Variants in CD226 observed in about 807,000 individuals in gnomAD.
CD226 encodes CD226 antigen.
A neutral mutation model predicts 34.9 loss-of-function variants in CD226; 24 were observed. The ratio of observed to expected loss-of-function variants is 0.69; its 90% confidence interval spans 0.50 to 0.97. CD226 has a LOEUF of 0.97. CD226 is among the 50% of genes least tolerant of loss of function. The pLI is 0.00. For synonymous variants in CD226, 148 were observed against 147.4 expected, an observed-to-expected ratio of 1.00 and a Z score of -0.03; for missense variants, 397 against 412.7, an observed-to-expected ratio of 0.96 and a Z score of 0.33.
chr18:69,928,852 T>G (rs1166497411), intron 2 of CD226, among the ~76,000 whole-genome samples: 1 of 152,114 alleles, frequency 6.6e-6, no homozygotes, highest in African/African-American at 2.4e-5. Context: ...AGCAAAAATA[T>G]CTACAATTCA....
At chr18:69,923,229 G>C (rs1454517601) in intron 2 of CD226, among the ~76,000 whole-genome samples, 1 of 151,612 alleles carries the variant, frequency 6.6e-6, no homozygotes, top group Non-Finnish European at 1.5e-5. Flanking sequence ...GAAAGAGAGA[G>C]AGAAAGAAAG....
At chr18:69,953,651 G>A (rs9965747) in intron 1 of CD226, among the ~76,000 whole-genome samples, 1,878 of 152,232 alleles carry the variant, frequency 0.012, 22 homozygotes, top group South Asian at 0.037. Context: ...TGATAAAAGC[G>A]GTCATCACAG....
At chr18:69,905,364 A>G (rs1464445826) in intron 2 of CD226, among the ~76,000 whole-genome samples, 1 of 152,214 alleles carries the variant, frequency 6.6e-6, no homozygotes, top group African/African-American at 2.4e-5. Flanking sequence ...AGGCACCAAC[A>G]CATTAGTGTG....
At chr18:69,937,383 T>C (rs1441049082) in intron 2 of CD226, among the ~76,000 whole-genome samples, 1 of 152,204 alleles carries the variant, frequency 6.6e-6, no homozygotes, top group East Asian at 1.9e-4. Context: ...ATAGTGCCTA[T>C]TAATCTCAAC....
At position 69,863,640 on chromosome 18, in the gene CD226, A is replaced by G. The variant is rs1468902712; in HGVS notation, c.*674T>C. 2 of 152,230 alleles carry G rather than the reference A, an allele frequency of 1.3e-5. No individual in the cohort carries two copies. Among genetic ancestry groups the G allele is most frequent in the East Asian group, 3.9e-4 (2 of 5,182 alleles). The allele number at this position is 152,230 out of a possible 1,614,324, so 9.4% of individuals were successfully genotyped here. A position where few individuals can be genotyped will look rare whatever the true frequency, so the allele number is the denominator to read the frequency against. On this transcript the variant is annotated 3_prime_UTR_variant, in exon 6 of 6. Coordinates refer to ENST00000582621, the MANE Select transcript of CD226 (RefSeq NM_001303618.2). ...GTTAACAAAAATGTCTTGGTTAATC[A>G]CTGCAGTCAATATTTGTTGGTAAAC...
At chr18:69,894,305 C>T (rs1435358442) in intron 3 of CD226, among the ~76,000 whole-genome samples, 1 of 119,654 alleles carries the variant, frequency 8.4e-6, no homozygotes, top group South Asian at 3.2e-4. Context: ...TTTAAGGATT[C>T]ATTGTGACAA....
intron 3 of CD226, among the ~76,000 whole-genome samples, chr18:69,879,465 T>C (rs1984082262): frequency 6.6e-6 from 1 of 152,128 alleles, no homozygotes; most frequent in African/African-American, 2.4e-5. Context: ...ATATTTCTCT[T>C]ACCCATTTTC....
chr18:69,896,258 T>G, intron 2 of CD226: 2 of 573,472 alleles, frequency 3.5e-6, no homozygotes, highest in Non-Finnish European at 4.4e-6. Context: ...CTCGGCTCAA[T>G]GCAACCTCCA....
intron 3 of CD226, among the ~76,000 whole-genome samples, chr18:69,887,716 C>T (rs1984644128): frequency 6.6e-6 from 1 of 152,096 alleles, no homozygotes; most frequent in African/African-American, 2.4e-5. Flanking sequence ...AATTAAAATG[C>T]CACTCATATC....
chr18:69,955,471 G>A (rs1446815653), intron 1 of CD226, among the ~76,000 whole-genome samples: 1 of 152,160 alleles, frequency 6.6e-6, no homozygotes, highest in Non-Finnish European at 1.5e-5. Flanking sequence ...GAAGATTATA[G>A]TGTGAGAGGT....
intron 3 of CD226, among the ~76,000 whole-genome samples, chr18:69,880,947 A>G (rs1550133): frequency 0.97 from 147,061 of 152,224 alleles, 71,266 homozygotes; most frequent in East Asian, 1. Context: ...CACAGCACCC[A>G]GCCAAGTTTT....
intron 2 of CD226, among the ~76,000 whole-genome samples, chr18:69,901,606 C>T (rs963609726): frequency 6.8e-6 from 1 of 146,482 alleles, no homozygotes; most frequent in African/African-American, 2.5e-5. Flanking sequence ...TGTGCCCGGG[C>T]ACAGTGGCTC....
At chr18:69,892,751 C>CTG (rs59075634) in intron 3 of CD226, among the ~76,000 whole-genome samples, 38,849 of 151,604 alleles carry the variant, frequency 0.26, 5,309 homozygotes, top group Middle Eastern at 0.41. Flanking sequence ...GAGCCCCTCT[C>CTG]TGTGTGTGTG....
At chr18:69,954,053 T>C (rs898323596) in intron 1 of CD226, among the ~76,000 whole-genome samples, 1 of 151,218 alleles carries the variant, frequency 6.6e-6, no homozygotes, top group Admixed American at 6.6e-5. Context: ...AGGTGAACAA[T>C]GTTATGTGAA....
chr18:69,943,458 A>T (rs2055750694), intron 2 of CD226, among the ~76,000 whole-genome samples: 1 of 152,222 alleles, frequency 6.6e-6, no homozygotes, highest in African/African-American at 2.4e-5. Context: ...TCTCTAAATC[A>T]ATTGCTAATG....
intron 2 of CD226, among the ~76,000 whole-genome samples, chr18:69,901,532 G>A (rs992043256): frequency 6.6e-6 from 1 of 152,080 alleles, no homozygotes; most frequent in Non-Finnish European, 1.5e-5. Context: ...AACTGATTAT[G>A]CTATTCTTTC....
intron 3 of CD226, among the ~76,000 whole-genome samples, chr18:69,882,648 TA>T (rs1984330991): frequency 6.6e-6 from 1 of 152,224 alleles, no homozygotes; most frequent in Non-Finnish European, 1.5e-5. Context: ...ACATATTATT[TA>T]AAGAGACTAT....
rs911852941 is a variant in CD226, at chr18:69,856,964, C to G, written c.*7350G>C. The stretch of plus-strand genomic sequence containing the variant: ...CGGGCGGATCACGAGGTCAGGAGAT[C>G]GAGACCACCCTGGCTAACACGGTGA... On this transcript the variant is annotated 3_prime_UTR_variant, in exon 6 of 6. Coordinates refer to ENST00000582621, the MANE Select transcript of CD226 (RefSeq NM_001303618.2). 6.6e-6 allele frequency: 1 copy of G among 152,268 alleles called. No homozygotes were observed. Among genetic ancestry groups the G allele is most frequent in the East Asian group, 1.9e-4 (1 of 5,180 alleles). 9.4% of individuals were successfully genotyped at this position (152,268 alleles called of 1,614,324 possible). A position where few individuals can be genotyped will look rare whatever the true frequency, so the allele number is the denominator to read the frequency against.
intron 2 of CD226, among the ~76,000 whole-genome samples, chr18:69,922,911 C>A (rs1279619050): frequency 6.6e-6 from 1 of 152,096 alleles, no homozygotes; most frequent in Admixed American, 6.5e-5. Context: ...GCAGGCAGAT[C>A]GCCTAAGGTC....
Sources: gnomAD v4.1 joint callset for allele counts (sites outside exome capture counted in the v4.1 genomes callset) on GRCh38, gnomAD v4.1.1 for gene constraint, MANE v1.5 for transcripts, NCBI Gene and HGNC (gene_info 2026-07-23, HGNC 2026-07-21) for gene names.